The following ESRRG variants were observed in gnomAD, a reference collection of about 807,000 sequenced individuals.
ESRRG encodes estrogen-related receptor gamma.
Under a neutral mutation model 44.0 loss-of-function variants are expected in ESRRG, and 13 were observed. The ratio of observed to expected loss-of-function variants is 0.30; its 90% CI spans 0.19 to 0.47. ESRRG has a LOEUF of 0.47. Ranked by LOEUF, ESRRG falls within the 20% of genes least tolerant of loss-of-function variation. The pLI, the probability that ESRRG is intolerant of heterozygous loss-of-function variation, is 1.00. For missense variants in ESRRG, 395 were observed against 580.6 expected, an observed-to-expected ratio of 0.68 and a Z score of 3.29; for synonymous variants, 215 against 214.6, an observed-to-expected ratio of 1.00 and a Z score of -0.02.
At chr1:217,105,699 T>A (rs1204835467) in intron 1 of ESRRG, among the ~76,000 whole-genome samples, 1 of 152,164 alleles carries the variant, frequency 6.6e-6, no homozygotes, top group Admixed American at 6.5e-5. Flanking sequence ...CTGCATACTA[T>A]TCTCCTAGTT....
chr1:216,947,460 C>T lies in ESRRG; in HGVS notation c.-105-7787G>A, dbSNP rs549992751. ...TCAAATACCAAAGTCAAAATGCATG[C>T]TTACTTCCTTCCCATAAACGGGCTT... is the stretch of plus-strand genomic sequence containing the variant. On this transcript the variant is annotated intron_variant, in intron 1 of 7. Transcript: ENST00000359162. Among the ~76,000 whole-genome samples, 5 of 152,266 alleles carry T rather than the reference C, an allele frequency of 3.3e-5. No individual in the cohort carries two copies. In the East Asian group the frequency reaches 9.7e-4, roughly 29 times the overall value.
intron 2 of ESRRG, among the ~76,000 whole-genome samples, chr1:216,807,153 T>C (rs2094819825): frequency 6.6e-6 from 1 of 152,168 alleles, no homozygotes; most frequent in Non-Finnish European, 1.5e-5. Context: ...ATTAGCAAAC[T>C]AGCTTCTGGT....
chr1:216,936,436 T>C (rs2064160410), intron 2 of ESRRG, among the ~76,000 whole-genome samples: 1 of 151,970 alleles, frequency 6.6e-6, no homozygotes, highest in Non-Finnish European at 1.5e-5. Flanking sequence ...AATGTGAAAA[T>C]GACCACCATT....
At chr1:216,922,087 TTCTC>T (rs2061918742) in intron 2 of ESRRG, among the ~76,000 whole-genome samples, 1 of 152,108 alleles carries the variant, frequency 6.6e-6, no homozygotes, top group Non-Finnish European at 1.5e-5. Context: ...CTATTGCTGG[TTCTC>T]TCTATGTCTC....
intron 1 of ESRRG, among the ~76,000 whole-genome samples, chr1:217,086,293 A>G (rs1399497832): frequency 6.6e-6 from 1 of 152,228 alleles, no homozygotes; most frequent in Admixed American, 6.5e-5. Flanking sequence ...CTTAGTGAGA[A>G]TAACTCAAAT....
intron 2 of ESRRG, among the ~76,000 whole-genome samples, chr1:216,893,269 G>C (rs1478678574): frequency 3.9e-5 from 6 of 151,998 alleles, no homozygotes; most frequent in Non-Finnish European, 8.8e-5. Flanking sequence ...TCTATTGGTG[G>C]CCAAATACAC....
intron 2 of ESRRG, among the ~76,000 whole-genome samples, chr1:216,800,929 C>T (rs1226232668): frequency 1.3e-5 from 2 of 152,078 alleles, no homozygotes; most frequent in African/African-American, 4.8e-5. Context: ...AGAAACACTT[C>T]ATTTAATTGA....
intron 1 of ESRRG, among the ~76,000 whole-genome samples, chr1:217,102,244 A>C (rs2092527457): frequency 6.6e-6 from 1 of 152,198 alleles, no homozygotes; most frequent in Admixed American, 6.5e-5. Flanking sequence ...GGAGGCACAA[A>C]GTGGTTAGGA....
intron 2 of ESRRG, among the ~76,000 whole-genome samples, chr1:216,651,700 T>C (rs999834434): frequency 6.6e-6 from 1 of 152,172 alleles, no homozygotes; most frequent in Non-Finnish European, 1.5e-5. Flanking sequence ...ATGAAGATGA[T>C]GGTCATCATC....
At chr1:216,917,246 C>G (rs2061313389) in intron 2 of ESRRG, among the ~76,000 whole-genome samples, 2 of 149,886 alleles carry the variant, frequency 1.3e-5, no homozygotes, top group South Asian at 4.2e-4. Flanking sequence ...AGGTCTGGAA[C>G]TGGAACGAGA....
At chr1:216,561,460 G>A (rs926754611) in intron 5 of ESRRG, among the ~76,000 whole-genome samples, 6 of 152,006 alleles carry the variant, frequency 3.9e-5, no homozygotes, top group Middle Eastern at 3.2e-3. Flanking sequence ...CTTTAATTCC[G>A]GCTATGACCC....
At chr1:216,872,216 G>C (rs1312136860) in intron 2 of ESRRG, among the ~76,000 whole-genome samples, 1 of 150,432 alleles carries the variant, frequency 6.6e-6, no homozygotes, top group Non-Finnish European at 1.5e-5. Flanking sequence ...CTCTGCTCTT[G>C]TTCAAGATTT....
At chr1:217,022,549 T>C (rs1165218442) in intron 1 of ESRRG, among the ~76,000 whole-genome samples, 1 of 152,170 alleles carries the variant, frequency 6.6e-6, no homozygotes, top group Non-Finnish European at 1.5e-5. Context: ...TTGTACTTTA[T>C]GGCTAATGAG....
intron 5 of ESRRG, among the ~76,000 whole-genome samples, chr1:216,534,886 T>C (rs767509763): frequency 4.2e-4 from 64 of 152,220 alleles, no homozygotes; most frequent in Non-Finnish European, 5.3e-4. Flanking sequence ...GTTTCACGAA[T>C]GCGACCAGAT....
intron 1 of ESRRG, among the ~76,000 whole-genome samples, chr1:216,691,034 T>C (rs2078964139): frequency 2.0e-5 from 3 of 152,210 alleles, no homozygotes. Context: ...TGCCATTTTC[T>C]TCCCTCAAAA....
intron 1 of ESRRG, among the ~76,000 whole-genome samples, chr1:216,984,214 C>A (rs1423967194): frequency 2.6e-5 from 4 of 152,124 alleles, no homozygotes; most frequent in Non-Finnish European, 4.4e-5. Context: ...GGAATATACT[C>A]TTCCGTATAT....
intron 1 of ESRRG, among the ~76,000 whole-genome samples, chr1:216,976,833 A>G (rs781447722): frequency 6.6e-6 from 1 of 152,158 alleles, no homozygotes; most frequent in Non-Finnish European, 1.5e-5. Context: ...GGAAAAACAA[A>G]GAGAGAGAGT....
intron 5 of ESRRG, among the ~76,000 whole-genome samples, chr1:216,528,210 T>C (rs2048265392): frequency 1.3e-5 from 2 of 152,222 alleles, no homozygotes; most frequent in South Asian, 4.1e-4. Flanking sequence ...TGAATGTTTA[T>C]TAAGGCACTG....
chr1:217,006,003 C>T (rs2077690542), intron 1 of ESRRG, among the ~76,000 whole-genome samples: 1 of 151,998 alleles, frequency 6.6e-6, no homozygotes, highest in African/African-American at 2.4e-5. Flanking sequence ...CTCTTGAAAC[C>T]TAGAGACTAA....
Sources: allele counts gnomAD v4.1 joint callset (sites outside exome capture counted in the v4.1 genomes callset), GRCh38; gene constraint gnomAD v4.1.1; transcripts MANE v1.5; gene names NCBI Gene and HGNC (gene_info 2026-07-23, HGNC 2026-07-21).